Variants in MZT2A observed in about 807,000 individuals in gnomAD.
MZT2A encodes the protein mitotic-spindle organizing protein 2A.
MZT2A carries 8 observed loss-of-function variants against 12.4 expected under a neutral mutation model. That is an observed-to-expected ratio of 0.64 (90% CI 0.38 to 1.16). MZT2A has a LOEUF of 1.16. Among genes scored for constraint, MZT2A ranks in the 50% most tolerant of loss-of-function variants. The pLI is 0.01. For missense variants in MZT2A, 181 were observed against 223.6 expected (o/e 0.81, Z 1.22); for synonymous variants, 88 against 107.5 (o/e 0.82, Z 1.12).
intron 1 of MZT2A, 44 bp downstream of exon 1, chr2:131,492,163 C>A: frequency 6.5e-7 from 1 of 1,536,290 alleles, no homozygotes; most frequent in Non-Finnish European, 8.8e-7. Flanking sequence ...GAGCAGAGGT[C>A]GGGGGTGTCT....
chr2:131,476,892 G>A lies in MZT2A; in HGVS notation c.279-4710C>T, dbSNP rs1290373535. On this transcript the variant is annotated intron_variant and NMD_transcript_variant, in intron 2 of 4. Transcript: ENST00000427024. Reference sequence around the variant, plus strand: ...TGAGGCTGCAGTGAGTCGTGATGGCGCCAGTGCACTCCAGCCTGGGCCACA... The same window carrying A: ...TGAGGCTGCAGTGAGTCGTGATGGCACCAGTGCACTCCAGCCTGGGCCACA... Among the ~76,000 whole-genome samples the A allele has an allele frequency of 3.4e-5, 5 of 148,260 alleles. 1 individual carries two copies. The highest frequency in any genetic ancestry group is 7.4e-5 in the Non-Finnish European group (5 of 67,638).
rs549022236 is a variant in MZT2A at position 131,470,237 on chromosome 2, A to T, written c.*79T>A. 4.7e-3 allele frequency: 2,464 copies of T among 521,998 alleles called. 45 individuals are homozygous for T. The African/African-American group carries it at 0.048, about 10-fold the overall frequency. The allele number at this position is 521,998 out of a possible 1,614,324, so 32.3% of individuals were successfully genotyped here. ...CTTCTGGGAGTAGAGCTCTGCCATG[A>T]GCTCATTGAGCTCCAAGAACTCCTG... On this transcript the variant is annotated 3_prime_UTR_variant and NMD_transcript_variant, in exon 4 of 5. Coordinates refer to the MZT2A transcript ENST00000427024.
chr2:131,480,635 C>G (rs1482601376), downstream of MZT2A: 1 of 1,613,782 alleles, frequency 6.2e-7, no homozygotes, highest in South Asian at 1.1e-5. Context: ...AGTACATGGC[C>G]TGCTGCATGT....
At chr2:131,492,796 G>GGCC, upstream of MZT2A, 2 of 853,242 alleles carry the variant, frequency 2.3e-6, no homozygotes, top group Non-Finnish European at 3.5e-6. Context: ...GGGGTGGGGG[G>GGCC]CACTAATCAA....
At chr2:131,482,578 A>C (rs774855162), downstream of MZT2A, 3 of 1,610,888 alleles carry the variant, frequency 1.9e-6, no homozygotes, top group African/African-American at 2.7e-5. Context: ...AGCCCCCCAC[A>C]GTGGTCCCCG....
At chr2:131,491,762 C>G in intron 2 of MZT2A, 114 bp downstream of exon 2, 1 of 1,270,542 alleles carries the variant, frequency 7.9e-7, no homozygotes, top group Non-Finnish European at 1.0e-6. Flanking sequence ...TGGGCCTAGA[C>G]CGACCGACAG....
At chr2:131,477,037 CTT>C (rs1229461335) in intron 2 of MZT2A, among the ~76,000 whole-genome samples, 4 of 108,684 alleles carry the variant, frequency 3.7e-5, no homozygotes, top group African/African-American at 6.8e-5. Flanking sequence ...CTTTTTCTTT[CTT>C]TTTTTTTTTT....
downstream of MZT2A, chr2:131,482,687 A>G: frequency 6.2e-7 from 1 of 1,613,726 alleles, no homozygotes; most frequent in Non-Finnish European, 8.5e-7. Flanking sequence ...GTTCGATCTC[A>G]TGTATGCCAA....
chr2:131,479,956 A>G, downstream of MZT2A: 1 of 1,395,424 alleles, frequency 7.2e-7, no homozygotes, highest in Non-Finnish European at 9.6e-7. Flanking sequence ...TTTATTATGG[A>G]TGATTTGAAT....
downstream of MZT2A, among the ~76,000 whole-genome samples, chr2:131,481,952 C>A (rs1230640333): frequency 6.6e-6 from 1 of 152,230 alleles, no homozygotes; most frequent in Non-Finnish European, 1.5e-5. Context: ...TCATGTTATG[C>A]CCGAGTTCTG....
chr2:131,484,323 T>G (rs1342730121), intron 2 of MZT2A, 105 bp from the exon 3 acceptor site: 22 of 1,515,180 alleles, frequency 1.5e-5, no homozygotes, highest in Non-Finnish European at 1.9e-5. Flanking sequence ...CACATTTCCA[T>G]CAAAGTCGCT....
At chr2:131,479,265 T>C (rs775013912), downstream of MZT2A, 2 of 1,604,922 alleles carry the variant, frequency 1.2e-6, no homozygotes, top group East Asian at 2.2e-5. Context: ...TCTTGGTGAG[T>C]ACAGGCCTTA....
intron 3 of MZT2A, among the ~76,000 whole-genome samples, chr2:131,471,474 A>G (rs1704984973): frequency 6.8e-6 from 1 of 146,662 alleles, no homozygotes; most frequent in South Asian, 2.1e-4. Flanking sequence ...AAGAAAAGAA[A>G]AAAGAACCTA....
chr2:131,492,142 G>T (rs1413215471), intron 1 of MZT2A, 65 bp downstream of exon 1: 53 of 1,538,928 alleles, frequency 3.4e-5, no homozygotes, highest in Non-Finnish European at 4.6e-5. Context: ...AGCGGGCCGG[G>T]CGTACCCGGA....
chr2:131,483,006 G>A (rs1311473096), downstream of MZT2A: 17 of 1,303,878 alleles, frequency 1.3e-5, 1 homozygote, highest in Admixed American at 5.6e-5. Context: ...CATGGACAGC[G>A]GTGGGGTGCC....
chr2:131,478,196 G>A (rs751068564), intron 2 of MZT2A: 6 of 1,613,916 alleles, frequency 3.7e-6, no homozygotes, highest in African/African-American at 1.3e-5. Context: ...TGGGGCAGGC[G>A]GGTGTCCAGA....
At chr2:131,469,990 G>C (rs1704949535) in intron 4 of MZT2A, 2 of 274,244 alleles carry the variant, frequency 7.3e-6, no homozygotes, top group Non-Finnish European at 7.0e-6. Flanking sequence ...TTTTAATAGA[G>C]ACAGGGTTTC....
chr2:131,471,453 AAAAAGAAAAAAAG>A (rs1288576579), intron 3 of MZT2A, among the ~76,000 whole-genome samples: 2 of 128,990 alleles, frequency 1.6e-5, no homozygotes, highest in Non-Finnish European at 3.0e-5. Flanking sequence ...CAAAAAAAAA[AAAAAGAAAAAAAG>A]AAAAGAAAAA....
At chr2:131,475,913 G>A (rs191082482) in intron 2 of MZT2A, among the ~76,000 whole-genome samples, 17 of 151,678 alleles carry the variant, frequency 1.1e-4, no homozygotes, top group Admixed American at 3.9e-4. Context: ...AAGACACCCC[G>A]GAAATGCCTC....
Sources: gnomAD v4.1 joint callset for allele counts (sites outside exome capture counted in the v4.1 genomes callset) on GRCh38, gnomAD v4.1.1 for gene constraint, MANE v1.5 for transcripts, NCBI Gene and HGNC (gene_info 2026-07-23, HGNC 2026-07-21) for gene names.